SRRM3: variants seen among roughly 807,000 people sequenced by gnomAD.
SRRM3 encodes the protein serine/arginine repetitive matrix protein 3.
SRRM3 carries 27 observed loss-of-function variants against 66.2 expected under a neutral mutation model. That is an observed-to-expected ratio of 0.41 (90% CI 0.30 to 0.56). SRRM3 has a LOEUF of 0.56. Ranked by LOEUF, SRRM3 falls within the 20% of genes least tolerant of loss-of-function variation. The pLI is 0.32. For synonymous variants in SRRM3, 391 were observed against 414.9 expected (o/e 0.94, Z 0.70); for missense variants, 918 against 991.9 (o/e 0.93, Z 1.00).
Position 76,286,752 on chromosome 7 carries a change from A to G in SRRM3, c.*909A>G, listed in dbSNP as rs1375041748. ...AATCTGTAGGAAAGAGAAAAAGCAA[A>G]GTCGTTCACTGACTGAGTAGCCCCC... is the stretch of plus-strand genomic sequence containing the variant. On this transcript the variant is annotated 3_prime_UTR_variant, in exon 15 of 15. Coordinates refer to ENST00000611745, the MANE Select transcript of SRRM3 (RefSeq NM_001110199.3). The G allele has an allele frequency of 1.3e-5, 2 of 152,322 alleles. No individual in the cohort carries two copies. Among genetic ancestry groups the G allele is most frequent in the African/African-American group, 2.4e-5 (1 of 41,432 alleles). 9.4% of individuals were successfully genotyped at this position (152,322 alleles called of 1,614,324 possible).
At position 76,239,207 on chromosome 7, in the gene SRRM3, T is replaced by A. The variant is rs572335986; in HGVS notation, c.233+3908T>A. 3.6e-4 allele frequency among the ~76,000 whole-genome samples: 54 copies of A among 150,948 alleles called. 1 individual carries two copies. The highest frequency in any genetic ancestry group is 1.2e-3 in the African/African-American group (50 of 41,152). On this transcript the variant is annotated intron_variant, in intron 2 of 14. Transcript: ENST00000611745. ...GCCACCACACCCAGCTAATTCTTTG[T>A]ATTTTTAGTAGAAACGGGGTTTCAC...
At chr7:76,225,736 T>A (rs1263711361) in intron 1 of SRRM3, among the ~76,000 whole-genome samples, 5 of 152,058 alleles carry the variant, frequency 3.3e-5, no homozygotes, top group South Asian at 2.1e-4. Flanking sequence ...TAATAATAAT[T>A]AATCTCCAGT....
At chr7:76,283,700 C>T (rs1802590949) in intron 14 of SRRM3, 1 of 972,366 alleles carries the variant, frequency 1.0e-6, no homozygotes, top group Non-Finnish European at 1.4e-6. Context: ...AGTCTGGTCT[C>T]TGGGGCAGCT....
At chr7:76,213,119 C>T (rs1229119583) in intron 1 of SRRM3, among the ~76,000 whole-genome samples, 1 of 150,438 alleles carries the variant, frequency 6.6e-6, no homozygotes, top group Non-Finnish European at 1.5e-5. Flanking sequence ...AAGCAATTCT[C>T]CTGCCTCAGC....
chr7:76,281,243 G>C (rs1417223013), intron 11 of SRRM3, among the ~76,000 whole-genome samples, 198 bp from the exon 12 acceptor site: 1 of 142,882 alleles, frequency 7.0e-6, no homozygotes. Flanking sequence ...TCTGTCTCTC[G>C]CTCTTTTTCT....
intron 1 of SRRM3, among the ~76,000 whole-genome samples, chr7:76,215,433 G>A (rs1800539370): frequency 1.4e-5 from 2 of 139,164 alleles, no homozygotes; most frequent in Non-Finnish European, 3.0e-5. Context: ...ACAGGGTCTG[G>A]CTCTGTTGCC....
intron 9 of SRRM3, 112 bp downstream of exon 9, chr7:76,264,927 G>C (rs1209005211): frequency 8.2e-7 from 1 of 1,212,580 alleles, no homozygotes; most frequent in South Asian, 1.5e-5. Flanking sequence ...ATTTTGCCCA[G>C]ATGGAAAAAT....
intron 2 of SRRM3, among the ~76,000 whole-genome samples, chr7:76,238,181 GT>G (rs1269652198): frequency 6.6e-6 from 1 of 152,152 alleles, no homozygotes; most frequent in East Asian, 1.9e-4. Flanking sequence ...ACAAGCCACG[GT>G]TTACTCACCT....
At chr7:76,202,549 A>C (rs1800178245) in intron 1 of SRRM3, among the ~76,000 whole-genome samples, 1 of 152,078 alleles carries the variant, frequency 6.6e-6, no homozygotes, top group Non-Finnish European at 1.5e-5. Flanking sequence ...AAATGCCCCT[A>C]GGGAGGCAGG....
At chr7:76,228,625 A>G (rs1800938492) in intron 1 of SRRM3, among the ~76,000 whole-genome samples, 1 of 151,994 alleles carries the variant, frequency 6.6e-6, no homozygotes, top group Non-Finnish European at 1.5e-5. Flanking sequence ...TCAGGAGGCT[A>G]AGAAAGGAGA....
At chr7:76,204,648 A>G (rs942737403) in intron 1 of SRRM3, among the ~76,000 whole-genome samples, 1 of 152,118 alleles carries the variant, frequency 6.6e-6, no homozygotes, top group Non-Finnish European at 1.5e-5. Flanking sequence ...CACATGGTGA[A>G]GGCAACTGAA....
chr7:76,234,604 T>G (rs1554604574), intron 1 of SRRM3, among the ~76,000 whole-genome samples: 1 of 152,080 alleles, frequency 6.6e-6, no homozygotes, highest in East Asian at 1.9e-4. Context: ...GCCAGGATAG[T>G]GGGCCTGGTG....
intron 2 of SRRM3, among the ~76,000 whole-genome samples, chr7:76,235,722 T>G (rs1347844829): frequency 6.6e-6 from 1 of 151,248 alleles, no homozygotes; most frequent in Non-Finnish European, 1.5e-5. Context: ...AAAAAAAAAT[T>G]TAGCTGGGCG....
intron 10 of SRRM3, among the ~76,000 whole-genome samples, chr7:76,265,828 TTA>T (rs1167434051): frequency 0.079 from 2,028 of 25,534 alleles, 213 homozygotes; most frequent in South Asian, 0.099. Context: ...TAATAAATAT[TTA>T]TATATATATA....
chr7:76,234,918 T>G, intron 1 of SRRM3, 110 bp from the exon 2 acceptor site: 1 of 676,878 alleles, frequency 1.5e-6, no homozygotes, highest in Non-Finnish European at 2.4e-6. Flanking sequence ...AGGAAGCGGA[T>G]TAGAGCCATG....
intron 1 of SRRM3, among the ~76,000 whole-genome samples, chr7:76,231,802 G>A (rs1801022515): frequency 6.6e-6 from 1 of 152,188 alleles, no homozygotes; most frequent in Non-Finnish European, 1.5e-5. Context: ...TGGAAGAGCG[G>A]AAGATTCCCA....
chr7:76,242,409 G>A (rs139350522), intron 2 of SRRM3, among the ~76,000 whole-genome samples: 11,906 of 151,880 alleles, frequency 0.078, 1,111 homozygotes, highest in African/African-American at 0.22. Flanking sequence ...CGCTTGAACC[G>A]GGGAGATGGA....
chr7:76,212,270 T>A (rs1554601798), intron 1 of SRRM3, among the ~76,000 whole-genome samples: 1 of 150,902 alleles, frequency 6.6e-6, no homozygotes, highest in Non-Finnish European at 1.5e-5. Flanking sequence ...CAGATGATCT[T>A]CCCAAGTAGC....
intron 11 of SRRM3, among the ~76,000 whole-genome samples, chr7:76,271,578 G>A (rs1802214207): frequency 6.6e-6 from 1 of 152,164 alleles, no homozygotes; most frequent in Non-Finnish European, 1.5e-5. Context: ...AGAAGTTTGA[G>A]GCTGCAGTGA....
Sources: gnomAD v4.1 joint callset for allele counts (sites outside exome capture counted in the v4.1 genomes callset) on GRCh38, gnomAD v4.1.1 for gene constraint, MANE v1.5 for transcripts, NCBI Gene and HGNC (gene_info 2026-07-23, HGNC 2026-07-21) for gene names.